The following SRPK2 variants were observed in gnomAD, a reference collection of about 807,000 sequenced individuals.
The protein encoded by SRPK2 is SFRS protein kinase 2.
SRPK2 carries 21 observed loss-of-function variants against 90.8 expected under a neutral mutation model. The observed-to-expected ratio is 0.23, with a 90% CI of 0.16 to 0.33. The LOEUF (loss-of-function observed/expected upper bound fraction) is 0.33, where lower values mean the gene tolerates loss of function less well. Among genes scored for constraint, SRPK2 ranks in the 10% least tolerant of loss-of-function variants. SRPK2 has a pLI of 1.00. For synonymous variants in SRPK2, 288 were observed against 311.1 expected (o/e 0.93, Z 0.78); for missense variants, 620 against 869.0 (o/e 0.71, Z 3.60).
intron 2 of SRPK2, among the ~76,000 whole-genome samples, chr7:105,240,057 C>T (rs1585307623): frequency 1.3e-5 from 2 of 152,248 alleles, no homozygotes; most frequent in East Asian, 1.9e-4. Context: ...TAACAAAATA[C>T]CACCGAGTGA....
At chr7:105,208,645 G>GA (rs2129611742) in intron 2 of SRPK2, among the ~76,000 whole-genome samples, 1 of 152,148 alleles carries the variant, frequency 6.6e-6, no homozygotes, top group East Asian at 1.9e-4. Flanking sequence ...GGGAAATGGA[G>GA]AAAAAAGGAG....
Position 105,244,732 on chromosome 7 carries a change from C to A in SRPK2, c.72-40947G>T, listed in dbSNP as rs1563136832. 5.2e-6 allele frequency: 6 copies of A among 1,146,026 alleles called. No individual in the cohort carries two copies. In the East Asian group the frequency reaches 1.2e-4, roughly 23 times the overall value. The allele number at this position is 1,146,026 out of a possible 1,614,324, so 71.0% of individuals were successfully genotyped here. A position where few individuals can be genotyped will look rare whatever the true frequency, so the allele number is the denominator to read the frequency against. On this transcript the variant is annotated intron_variant, in intron 2 of 15. Transcript: ENST00000393651. ...AGAACGTGAGCGAGCCCAGGCACAG[C>A]CGCCGCCGCGGGCGTCTGACCAAAC...
chr7:105,266,354 T>A (rs896358556), intron 2 of SRPK2, among the ~76,000 whole-genome samples: 1 of 152,086 alleles, frequency 6.6e-6, no homozygotes, highest in Non-Finnish European at 1.5e-5. Context: ...AGATGAAAAA[T>A]TACTAGAAAT....
intron 2 of SRPK2, among the ~76,000 whole-genome samples, chr7:105,213,464 T>C (rs147677631): frequency 5.2e-4 from 79 of 152,106 alleles, no homozygotes; most frequent in African/African-American, 1.8e-3. Context: ...GGGGAGAAAC[T>C]GGGGAATAAA....
chr7:105,390,563 G>A (rs1162742696), upstream of SRPK2, among the ~76,000 whole-genome samples: 2 of 150,918 alleles, frequency 1.3e-5, no homozygotes, highest in African/African-American at 4.9e-5. Context: ...CGAGTAGCTG[G>A]GATTACAGGC....
intron 2 of SRPK2, among the ~76,000 whole-genome samples, chr7:105,284,279 A>T (rs1314901055): frequency 2.0e-5 from 3 of 152,174 alleles, no homozygotes; most frequent in Non-Finnish European, 4.4e-5. Context: ...CCAAGTGAAG[A>T]AATTAACACT....
In SRPK2 at chr7:105,205,509, TCTCTCTCTCACACACA is replaced by T. The variant is rs1160802891; in HGVS notation, c.72-1740_72-1725del. On this transcript the variant is annotated intron_variant, in intron 2 of 15. Coordinates refer to ENST00000393651, the MANE Select transcript of SRPK2 (RefSeq NM_182692.3). ...GAATAATATTCATTCTCTCTCTCTC[TCTCTCTCTCACACACA>T]CACACACACACACACACACACACAC... 1.6e-4 allele frequency among the ~76,000 whole-genome samples: 11 copies of T among 67,364 alleles called. No individual in the cohort carries two copies. In the South Asian group the frequency reaches 2.1e-3, roughly 13 times the overall value. The allele number at this position is 67,364 out of a possible 152,430, so 44.2% of individuals were successfully genotyped here.
intron 2 of SRPK2, among the ~76,000 whole-genome samples, chr7:105,337,084 G>A (rs1013160499): frequency 6.6e-6 from 1 of 152,058 alleles, no homozygotes; most frequent in Non-Finnish European, 1.5e-5. Flanking sequence ...TTACAGGCAT[G>A]AGCCACCCAT....
rs117066462 is a variant in SRPK2, at chr7:105,367,938, G to T, written c.71+20710C>A. Among the ~76,000 whole-genome samples the T allele has an allele frequency of 2.8e-3, 428 of 152,146 alleles. 10 individuals carry two copies. The East Asian group carries it at 0.055, about 19-fold the overall frequency. On this transcript the variant is annotated intron_variant, in intron 2 of 15. Transcript: ENST00000393651. ...ATATTTATTGAAAAAAATTTCCACA[G>T]GACAAACACATGTTGTTGATAGCCA...
intron 3 of SRPK2, among the ~76,000 whole-genome samples, chr7:105,186,377 T>C (rs1321095410): frequency 1.3e-5 from 2 of 152,188 alleles, no homozygotes; most frequent in Non-Finnish European, 2.9e-5. Flanking sequence ...CCTCAGTGTC[T>C]ATTGTTTCCA....
chr7:105,341,924 G>A (rs1008322021), intron 2 of SRPK2, among the ~76,000 whole-genome samples: 1 of 150,454 alleles, frequency 6.6e-6, no homozygotes, highest in East Asian at 2.0e-4. Context: ...CCGAGATCGT[G>A]CCACTGCACT....
chr7:105,335,414 CT>C (rs1814977031), intron 2 of SRPK2, among the ~76,000 whole-genome samples: 1 of 152,086 alleles, frequency 6.6e-6, no homozygotes, highest in Non-Finnish European at 1.5e-5. Flanking sequence ...AATCCCAGCA[CT>C]TTGGGAGACA....
chr7:105,220,504 G>A (rs564447262), intron 2 of SRPK2, among the ~76,000 whole-genome samples: 14 of 152,142 alleles, frequency 9.2e-5, no homozygotes, highest in African/African-American at 2.2e-4. Context: ...CCAGCCTGGC[G>A]ACAGAGCGAG....
chr7:105,397,639 T>C (rs2132926502), intron 1 of SRPK2, among the ~76,000 whole-genome samples: 1 of 151,406 alleles, frequency 6.6e-6, no homozygotes, highest in South Asian at 2.1e-4. Flanking sequence ...AGAGTGATAT[T>C]TTAAAGTAAT....
intron 2 of SRPK2, among the ~76,000 whole-genome samples, chr7:105,325,970 G>C (rs1813534251): frequency 6.6e-6 from 1 of 152,206 alleles, no homozygotes; most frequent in Non-Finnish European, 1.5e-5. Context: ...ATGCTGAGGG[G>C]CCTCGGATAG....
chr7:105,145,528 G>A (rs1183926855), intron 8 of SRPK2, among the ~76,000 whole-genome samples: 1 of 152,120 alleles, frequency 6.6e-6, no homozygotes, highest in Non-Finnish European at 1.5e-5. Flanking sequence ...TACTCATACT[G>A]AGCCATTTCT....
chr7:105,161,076 C>T (rs1585001321), intron 6 of SRPK2, among the ~76,000 whole-genome samples: 1 of 152,240 alleles, frequency 6.6e-6, no homozygotes, highest in East Asian at 1.9e-4. Context: ...CAGGTGCCCG[C>T]CACCACGCTC....
At position 105,382,382 on chromosome 7, in the gene SRPK2, G is replaced by A. The variant is rs143172999; in HGVS notation, c.71+6266C>T. Among the ~76,000 whole-genome samples the A allele has an allele frequency of 6.2e-4, 93 of 149,830 alleles. 1 individual carries two copies. The highest frequency in any genetic ancestry group is 2.1e-3 in the African/African-American group (86 of 40,754). On this transcript the variant is annotated intron_variant, in intron 2 of 15. Transcript: ENST00000393651. ...AGCCTGACCAAAGTGGAGAAACCCC[G>A]TCTCTACTTAAAATACAAAATTAGC...
At chr7:105,187,462 T>G (rs1212058108) in intron 3 of SRPK2, among the ~76,000 whole-genome samples, 1 of 152,202 alleles carries the variant, frequency 6.6e-6, no homozygotes. Context: ...TATCCTCACC[T>G]TGACATCTGC....
Sources: gnomAD v4.1 joint callset for allele counts (sites outside exome capture counted in the v4.1 genomes callset) on GRCh38, gnomAD v4.1.1 for gene constraint, MANE v1.5 for transcripts, NCBI Gene and HGNC (gene_info 2026-07-23, HGNC 2026-07-21) for gene names.